Variants in FGD5 observed in about 807,000 individuals in gnomAD.
FGD5 encodes the protein FYVE, RhoGEF and PH domain containing 5, also known as FYVE, RhoGEF and PH domain-containing protein 5.
Under a neutral mutation model 133.4 loss-of-function variants are expected in FGD5, and 28 were observed. That is an observed-to-expected ratio of 0.21 (90% CI 0.16 to 0.29). FGD5 has a LOEUF of 0.29. Among genes scored for constraint, FGD5 ranks in the 10% least tolerant of loss-of-function variants. The probability of loss-of-function intolerance (pLI) is 1.00; values close to 1 mark genes in which losing one functional copy is unlikely to be tolerated. For missense variants in FGD5, 1,858 were observed against 1,895.2 expected (o/e 0.98, Z 0.36); for synonymous variants, 810 against 776.5 (o/e 1.04, Z -0.72).
intron 11 of FGD5, among the ~76,000 whole-genome samples, chr3:14,912,637 A>G (rs2038472325): frequency 6.6e-6 from 1 of 152,216 alleles, no homozygotes; most frequent in South Asian, 2.1e-4. Context: ...TCTCCTCTGC[A>G]TGCCAGGAAC....
upstream of FGD5, among the ~76,000 whole-genome samples, chr3:14,815,725 T>C (rs1381281836): frequency 6.6e-6 from 1 of 152,212 alleles, no homozygotes; most frequent in African/African-American, 2.4e-5. Context: ...CATTTTACCC[T>C]TCTCTGCTTC....
At chr3:14,910,105 A>C (rs2038418887) in intron 10 of FGD5, among the ~76,000 whole-genome samples, 1 of 152,160 alleles carries the variant, frequency 6.6e-6, no homozygotes, top group Non-Finnish European at 1.5e-5. Context: ...GCAAAAAAAT[A>C]AAAATAAAAA....
At chr3:14,848,610 A>G (rs756142005) in intron 1 of FGD5, among the ~76,000 whole-genome samples, 1 of 152,220 alleles carries the variant, frequency 6.6e-6, no homozygotes, top group Non-Finnish European at 1.5e-5. Context: ...AAAATCTTGT[A>G]AGAAATGGGC....
chr3:14,815,879 C>T (rs540097570), upstream of FGD5, among the ~76,000 whole-genome samples: 119 of 152,352 alleles, frequency 7.8e-4, 2 homozygotes, highest in Non-Finnish European at 1.4e-3. Flanking sequence ...TGGGTAGCCC[C>T]ACACCAGCCA....
chr3:14,856,237 T>C (rs928292113), intron 1 of FGD5, among the ~76,000 whole-genome samples: 4 of 152,222 alleles, frequency 2.6e-5, no homozygotes, highest in African/African-American at 9.6e-5. Flanking sequence ...TCTGTGTGTC[T>C]GTTTTTATTC....
At chr3:14,861,150 G>A (rs1028188563) in intron 1 of FGD5, among the ~76,000 whole-genome samples, 1 of 152,286 alleles carries the variant, frequency 6.6e-6, no homozygotes, top group Non-Finnish European at 1.5e-5. Context: ...CAACGGCCAC[G>A]CTGAAGACGG....
chr3:14,820,553 A>G lies in FGD5; in HGVS notation c.1482A>G (p.Pro494=). Residue 494 remains proline (P), a synonymous_variant, in exon 1 of 20, where the codon CCA becomes CCG. Transcript: ENST00000285046. ...CTGGGAAGGTGGCCGGCTATGTCCC[A>G]GAAACCGTCCCTGAAGAAACCGGAC... ...PHSGKVAGYV[P]ETVPEETGPE... 2 of 1,613,278 alleles carry G rather than the reference A, an allele frequency of 1.2e-6. No homozygotes were observed. The highest frequency in any genetic ancestry group is 1.7e-6 in the Non-Finnish European group (2 of 1,179,512).
At chr3:14,842,622 G>A (rs1238459678) in intron 1 of FGD5, among the ~76,000 whole-genome samples, 2 of 152,214 alleles carry the variant, frequency 1.3e-5, no homozygotes, top group African/African-American at 4.8e-5. Context: ...TGTGCTATCT[G>A]TGGGCAGGTT....
At chr3:14,840,761 C>T (rs2036906318) in intron 1 of FGD5, among the ~76,000 whole-genome samples, 1 of 152,198 alleles carries the variant, frequency 6.6e-6, no homozygotes, top group African/African-American at 2.4e-5. Context: ...AACCCCACCA[C>T]AGTGACATAA....
At chr3:14,821,628 G>A in intron 1 of FGD5, 32 bp downstream of exon 1, 1 of 1,523,662 alleles carries the variant, frequency 6.6e-7, no homozygotes, top group East Asian at 2.4e-5. Flanking sequence ...TTCTTGTTCG[G>A]CAGCTGTAAC....
chr3:14,902,475 A>G (rs1366960820), intron 9 of FGD5, among the ~76,000 whole-genome samples: 2 of 152,078 alleles, frequency 1.3e-5, no homozygotes, highest in Admixed American at 1.3e-4. Context: ...ACAGGATGGC[A>G]AGGTAGCATC....
Position 14,922,902 on chromosome 3 carries a change from G to C in FGD5, c.3808-144G>C, listed in dbSNP as rs563120989. On this transcript the variant is annotated intron_variant, in intron 15 of 19. Coordinates refer to ENST00000285046, the MANE Select transcript of FGD5 (RefSeq NM_152536.4). This position sits in a 1 kb window ranked among gnomAD's most constrained non-coding sequence, Gnocchi z 4.1. Reference sequence around the variant, plus strand: ...AAGATGAAGCCTTGCCGGAAAAGTAGGGGACACGCACAGCTCCATGATCAG... The same window carrying C: ...AAGATGAAGCCTTGCCGGAAAAGTACGGGACACGCACAGCTCCATGATCAG... The C allele has an allele frequency of 4.1e-5, 48 of 1,172,190 alleles. No homozygotes were observed. Among genetic ancestry groups the C allele is most frequent in the Middle Eastern group, 4.3e-4 (2 of 4,646 alleles). 72.6% of individuals were successfully genotyped at this position (1,172,190 alleles called of 1,614,324 possible). A position where few individuals can be genotyped will look rare whatever the true frequency, so the allele number is the denominator to read the frequency against.
Position 14,819,019 on chromosome 3 carries a change from C to T in FGD5, c.-53C>T, listed in dbSNP as rs528401089. 5.2e-5 allele frequency: 77 copies of T among 1,488,448 alleles called. No homozygotes were observed. Among genetic ancestry groups the T allele is most frequent in the Admixed American group, 1.7e-4 (7 of 40,352 alleles). 92.2% of individuals were successfully genotyped at this position (1,488,448 alleles called of 1,614,324 possible). ...ACCAGTCCACTGACGCCAGTGACCGCGCCCAAATTCCCTTCCTCAGCCAGG... is the reference window on the plus strand; with the variant it reads ...ACCAGTCCACTGACGCCAGTGACCGTGCCCAAATTCCCTTCCTCAGCCAGG... On this transcript the variant is annotated 5_prime_UTR_variant, in exon 1 of 20. Coordinates refer to ENST00000285046, the MANE Select transcript of FGD5 (RefSeq NM_152536.4). The surrounding 1 kb of genome is among the most constrained non-coding windows in gnomAD (Gnocchi z 4.1).
chr3:14,840,146 C>CT (rs59846352), intron 1 of FGD5, among the ~76,000 whole-genome samples: 270 of 145,626 alleles, frequency 1.9e-3, no homozygotes, highest in African/African-American at 3.4e-3. Flanking sequence ...ATGTTTCTTT[C>CT]TTTTTTTTTT....
intron 1 of FGD5, among the ~76,000 whole-genome samples, chr3:14,855,631 T>C (rs537289228): frequency 2.6e-5 from 4 of 151,962 alleles, no homozygotes; most frequent in African/African-American, 7.2e-5. Flanking sequence ...TTTAAAAATA[T>C]ACTTGTTGGC....
At position 14,933,302 on chromosome 3, in the gene FGD5, C is replaced by T. The variant is rs890835014; in HGVS notation, c.*135C>T. 2.4e-5 allele frequency: 21 copies of T among 872,364 alleles called. No individual in the cohort carries two copies. Among genetic ancestry groups the T allele is most frequent in the African/African-American group, 6.6e-5 (4 of 60,304 alleles). The allele number at this position is 872,364 out of a possible 1,614,324, so 54.0% of individuals were successfully genotyped here. On this transcript the variant is annotated 3_prime_UTR_variant, in exon 20 of 20. Transcript: ENST00000285046. Reference sequence around the variant, plus strand: ...GAGGCCTGACCTTTTTTGCTATAACCGCCCCACCACTCCCCTGCCCTTGCC... The same window carrying T: ...GAGGCCTGACCTTTTTTGCTATAACTGCCCCACCACTCCCCTGCCCTTGCC...
intron 2 of FGD5, among the ~76,000 whole-genome samples, chr3:14,880,177 A>C (rs2037797617): frequency 6.6e-6 from 1 of 151,984 alleles, no homozygotes; most frequent in South Asian, 2.1e-4. Flanking sequence ...ATGTAATGAG[A>C]CCCTGTCTCT....
In FGD5 at chr3:14,922,451, C is replaced by T; in HGVS notation, c.3710C>T (p.Pro1237Leu). 6.4e-7 allele frequency: 1 copy of T among 1,571,470 alleles called. No individual in the cohort carries two copies. Among genetic ancestry groups the T allele is most frequent in the Non-Finnish European group, 8.6e-7 (1 of 1,158,568 alleles). ...RLGVSLGERP[P>L]TLVPVTHVMM... ...GGGGTTAGCCTTGGGGAGAGGCCCC[C>T]CACCCTGGTGCCTGTCACACACGTC... Residue 1237 changes from proline to leucine, a missense_variant, in exon 15 of 20, where the codon CCC (proline) becomes CTC (leucine). Pro to Leu is a moderately conservative substitution (Grantham distance 98). This residue lies in a region of FGD5 where 1,824 missense variants were observed against 1,848.9 expected (regional missense o/e 0.99). Transcript: ENST00000285046. The surrounding 1 kb of genome is among the most constrained non-coding windows in gnomAD (Gnocchi z 4.1).
In FGD5 at chr3:14,922,670, T is replaced by G. The variant is rs1227745280; in HGVS notation, c.3807+122T>G. 4.5e-6 allele frequency: 6 copies of G among 1,332,856 alleles called. No homozygotes were observed. The highest frequency in any genetic ancestry group is 6.1e-6 in the Non-Finnish European group (6 of 986,906). 82.6% of individuals were successfully genotyped at this position (1,332,856 alleles called of 1,614,324 possible). A position where few individuals can be genotyped will look rare whatever the true frequency, so the allele number is the denominator to read the frequency against. ...ACTGTAAGCCCCAGAGTGAGGCATG[T>G]TCACACCAACCCGAGAGGAACAGAT... On this transcript the variant is annotated intron_variant, in intron 15 of 19. Coordinates refer to ENST00000285046, the MANE Select transcript of FGD5 (RefSeq NM_152536.4). The surrounding 1 kb of genome is among the most constrained non-coding windows in gnomAD (Gnocchi z 4.1).
Sources: allele counts gnomAD v4.1 joint callset (sites outside exome capture counted in the v4.1 genomes callset), GRCh38; gene constraint gnomAD v4.1.1; regional missense constraint gnomAD v4.1.1; non-coding constraint Gnocchi (gnomAD v3.1); transcripts MANE v1.5; gene names NCBI Gene and HGNC (gene_info 2026-07-23, HGNC 2026-07-21).